The following LRRC28 variants were observed in gnomAD, a reference collection of about 807,000 sequenced individuals.
LRRC28 encodes the protein leucine-rich repeat-containing protein 28.
LRRC28 carries 39 observed loss-of-function variants against 45.7 expected under a neutral mutation model. The ratio of observed to expected loss-of-function variants is 0.85; its 90% CI spans 0.66 to 1.12. The LOEUF (loss-of-function observed/expected upper bound fraction) is 1.12, where lower values mean the gene tolerates loss of function less well. Among genes scored for constraint, LRRC28 ranks in the 50% most tolerant of loss-of-function variants. The pLI, the probability that LRRC28 is intolerant of heterozygous loss-of-function variation, is 0.00. For synonymous variants in LRRC28, 206 were observed against 178.8 expected (o/e 1.15, Z -1.22); for missense variants, 435 against 438.5 (o/e 0.99, Z 0.07).
chr15:99,357,233 T>C (rs1957071173), intron 7 of LRRC28, among the ~76,000 whole-genome samples: 1 of 152,162 alleles, frequency 6.6e-6, no homozygotes, highest in South Asian at 2.1e-4. Context: ...TCTCAGTCTA[T>C]TATATATTAA....
chr15:99,258,162 C>T (rs2081080802), intron 2 of LRRC28: 1 of 1,612,338 alleles, frequency 6.2e-7, no homozygotes, highest in African/African-American at 1.3e-5. Flanking sequence ...ATGACTGAAG[C>T]ACAGGAAGAT....
chr15:99,257,760 A>T, intron 2 of LRRC28: 1 of 775,090 alleles, frequency 1.3e-6, no homozygotes, highest in Non-Finnish European at 2.4e-6. Context: ...AGGCTCAAGG[A>T]TGGATGATGA....
intron 5 of LRRC28, among the ~76,000 whole-genome samples, chr15:99,289,433 A>C (rs2082049085): frequency 6.6e-6 from 1 of 152,206 alleles, no homozygotes; most frequent in South Asian, 2.1e-4. Context: ...TATGTGACTC[A>C]AATAAAATTA....
intron 3 of LRRC28, among the ~76,000 whole-genome samples, chr15:99,278,326 G>C (rs1294233391): frequency 2.0e-5 from 3 of 152,176 alleles, no homozygotes; most frequent in African/African-American, 7.2e-5. Flanking sequence ...TTGGCTCACT[G>C]CAACCTCTGC....
At chr15:99,378,349 T>C (rs951929194) in intron 9 of LRRC28, among the ~76,000 whole-genome samples, 1 of 152,042 alleles carries the variant, frequency 6.6e-6, no homozygotes, top group Non-Finnish European at 1.5e-5. Flanking sequence ...CTGTCTGCTA[T>C]TGGTGTATAA....
chr15:99,297,668 A>T (rs2082300788), intron 5 of LRRC28, among the ~76,000 whole-genome samples: 1 of 151,044 alleles, frequency 6.6e-6, no homozygotes, highest in Non-Finnish European at 1.5e-5. Flanking sequence ...TTAAATATAC[A>T]TATATTAATA....
rs1426824527 is a variant in LRRC28 at position 99,388,973 on chromosome 15, A to G, written c.*2871A>G. The G allele has an allele frequency of 6.6e-6, 1 of 152,224 alleles. No homozygotes were observed. The highest frequency in any genetic ancestry group is 6.5e-5 in the Admixed American group (1 of 15,286). 9.4% of individuals were successfully genotyped at this position (152,224 alleles called of 1,614,324 possible). A position where few individuals can be genotyped will look rare whatever the true frequency, so the allele number is the denominator to read the frequency against. ...TGTTATCATACCAAAAACCTTAATT[A>G]CATAACATTGTGTGGATGAAATGCT... On this transcript the variant is annotated 3_prime_UTR_variant, in exon 10 of 10. Transcript: ENST00000301981.
chr15:99,277,280 C>T (rs1028596380), intron 3 of LRRC28, among the ~76,000 whole-genome samples: 3 of 152,070 alleles, frequency 2.0e-5, no homozygotes, highest in African/African-American at 7.2e-5. Flanking sequence ...CTTATACTCC[C>T]ATCTTTTCTG....
At chr15:99,260,015 T>C (rs1221502700) in intron 2 of LRRC28, 3 of 596,606 alleles carry the variant, frequency 5.0e-6, no homozygotes, top group Admixed American at 2.5e-5. Flanking sequence ...AAAAGATGAA[T>C]TGTAAATTAT....
In LRRC28 at chr15:99,265,575, G is replaced by T. The variant is rs530571458; in HGVS notation, c.168+9450G>T. On this transcript the variant is annotated intron_variant, in intron 2 of 9. Coordinates refer to ENST00000301981, the MANE Select transcript of LRRC28 (RefSeq NM_144598.5). The stretch of plus-strand genomic sequence containing the variant: ...CAACCTTCCCTGCATCGGTCCCTGT[G>T]GTCTTTGTAAGAAGGAGAAGGAATA... Among the ~76,000 whole-genome samples the T allele has an allele frequency of 2.0e-5, 3 of 152,186 alleles. No individual in the cohort carries two copies. In the South Asian group the frequency reaches 6.2e-4, roughly 32 times the overall value.
intron 3 of LRRC28, chr15:99,285,473 G>T: frequency 1.1e-6 from 1 of 880,942 alleles, no homozygotes; most frequent in Non-Finnish European, 1.9e-6. Flanking sequence ...GTTCCCCATT[G>T]CTCAGAGTGA....
chr15:99,335,076 CAAAAT>C (rs1439661709), intron 6 of LRRC28, among the ~76,000 whole-genome samples: 1 of 151,900 alleles, frequency 6.6e-6, no homozygotes, highest in African/African-American at 2.4e-5. Flanking sequence ...ATAAAATTAA[CAAAAT>C]GAAATGAGGC....
chr15:99,334,232 T>C lies in LRRC28; in HGVS notation c.592+103T>C, dbSNP rs894378937. The C allele has an allele frequency of 1.5e-5, 19 of 1,290,704 alleles. No homozygotes were observed. In the African/African-American group the frequency reaches 2.2e-4, roughly 15 times the overall value. The allele number at this position is 1,290,704 out of a possible 1,614,324, so 80.0% of individuals were successfully genotyped here. A position where few individuals can be genotyped will look rare whatever the true frequency, so the allele number is the denominator to read the frequency against. The stretch of plus-strand genomic sequence containing the variant: ...TTAGTTTCCTTCCTTCTGTTTATCT[T>C]GACGATTGCTTCTCTAAGTTTGTTT... On this transcript the variant is annotated intron_variant, in intron 6 of 9. Coordinates refer to ENST00000301981, the MANE Select transcript of LRRC28 (RefSeq NM_144598.5).
In LRRC28 at chr15:99,390,389, A is replaced by G. The variant is rs755150325; in HGVS notation, c.*4287A>G. ...TGTAGCATTCGGAGATTATTTCTGT[A>G]TGTAATTAAGAGACTTTCAAGGGTT... is the stretch of plus-strand genomic sequence containing the variant. On this transcript the variant is annotated 3_prime_UTR_variant, in exon 10 of 10. Transcript: ENST00000301981. 5 of 149,840 alleles carry G rather than the reference A, an allele frequency of 3.3e-5. No individual in the cohort carries two copies. The highest frequency in any genetic ancestry group is 5.9e-5 in the Non-Finnish European group (4 of 67,900). 9.3% of individuals were successfully genotyped at this position (149,840 alleles called of 1,614,324 possible).
chr15:99,350,944 T>C (rs1956858494), intron 6 of LRRC28, among the ~76,000 whole-genome samples: 1 of 152,172 alleles, frequency 6.6e-6, no homozygotes, highest in Admixed American at 6.5e-5. Flanking sequence ...TAGAGACACA[T>C]GCCAGCACAC....
chr15:99,370,840 A>T lies in LRRC28; in HGVS notation c.1031+7575A>T, dbSNP rs1481649898. Reference sequence around the variant, plus strand: ...TACACACATATTGAAACAATTGTGTATATATAGAAAAAGTCTTGGGAAGGA... The same window carrying T: ...TACACACATATTGAAACAATTGTGTTTATATAGAAAAAGTCTTGGGAAGGA... On this transcript the variant is annotated intron_variant, in intron 9 of 9. Transcript: ENST00000301981. 7.9e-5 allele frequency among the ~76,000 whole-genome samples: 12 copies of T among 152,358 alleles called. 1 individual carries two copies. The South Asian group carries it at 2.1e-3, about 26-fold the overall frequency.
intron 6 of LRRC28, among the ~76,000 whole-genome samples, chr15:99,336,921 C>G (rs1956343966): frequency 6.6e-6 from 1 of 152,248 alleles, no homozygotes; most frequent in South Asian, 2.1e-4. Context: ...CATACAACTA[C>G]TGGCTACATT....
chr15:99,260,926 TG>T (rs773602936), intron 2 of LRRC28, among the ~76,000 whole-genome samples: 56 of 151,924 alleles, frequency 3.7e-4, no homozygotes, highest in East Asian at 3.5e-3. Context: ...TAACATTTTT[TG>T]TTTGTTTGTT....
intron 2 of LRRC28, among the ~76,000 whole-genome samples, chr15:99,272,177 GAT>G (rs2081499756): frequency 6.6e-6 from 1 of 152,170 alleles, no homozygotes; most frequent in Admixed American, 6.5e-5. Flanking sequence ...TAGAAGCCAG[GAT>G]GGAGCAGGTT....
Sources: allele counts gnomAD v4.1 joint callset (sites outside exome capture counted in the v4.1 genomes callset), GRCh38; gene constraint gnomAD v4.1.1; transcripts MANE v1.5; gene names NCBI Gene and HGNC (gene_info 2026-07-23, HGNC 2026-07-21).